Variants in PTPRT observed in about 807,000 individuals in gnomAD.
PTPRT encodes receptor-type tyrosine-protein phosphatase T.
A neutral mutation model predicts 176.8 loss-of-function variants in PTPRT; 56 were observed. The observed-to-expected ratio is 0.32, with a 90% CI of 0.26 to 0.40. PTPRT has a LOEUF of 0.40. PTPRT is among the 10% of genes least tolerant of loss of function. The pLI is 1.00. For synonymous variants in PTPRT, 783 were observed against 739.0 expected (o/e 1.06, Z -0.96); for missense variants, 1,540 against 1,908.2 (o/e 0.81, Z 3.60).
intron 11 of PTPRT, among the ~76,000 whole-genome samples, chr20:42,343,319 C>T (rs1366443036): frequency 6.6e-6 from 1 of 152,190 alleles, no homozygotes; most frequent in Non-Finnish European, 1.5e-5. Context: ...GAGAATGGCA[C>T]CACTTTCCAT....
the PTPRT span, among the ~76,000 whole-genome samples, chr20:42,041,568 G>A: frequency 1.3e-5 from 2 of 152,026 alleles, no homozygotes; most frequent in African/African-American, 4.8e-5. Flanking sequence ...GCACTTTTAC[G>A]TATATTAAAA....
chr20:42,107,779 G>A (rs1303146961), intron 23 of PTPRT, among the ~76,000 whole-genome samples: 1 of 152,180 alleles, frequency 6.6e-6, no homozygotes, highest in Non-Finnish European at 1.5e-5. Context: ...CAATGTAGAT[G>A]TCAAAAGACA....
chr20:42,098,217 G>A (rs1052433525), intron 27 of PTPRT, among the ~76,000 whole-genome samples: 1 of 150,818 alleles, frequency 6.6e-6, no homozygotes, highest in Admixed American at 6.7e-5. Context: ...ATAGGCAGGG[G>A]GAGTCTTTGC....
intron 13 of PTPRT, among the ~76,000 whole-genome samples, chr20:42,256,716 T>G (rs1452793214): frequency 6.6e-6 from 1 of 151,884 alleles, no homozygotes; most frequent in African/African-American, 2.4e-5. Flanking sequence ...AGAGCAAATT[T>G]ACTAGAAAAT....
At chr20:42,311,960 C>G (rs2057638875) in intron 12 of PTPRT, among the ~76,000 whole-genome samples, 1 of 152,140 alleles carries the variant, frequency 6.6e-6, no homozygotes, top group Non-Finnish European at 1.5e-5. Flanking sequence ...TACATTCATC[C>G]ATCTTCCAAC....
chr20:42,849,119 G>A (rs749343333), intron 2 of PTPRT, among the ~76,000 whole-genome samples: 29 of 152,160 alleles, frequency 1.9e-4, no homozygotes, highest in African/African-American at 4.3e-4. Flanking sequence ...AGATCAGGCT[G>A]TAAGTATTTG....
chr20:42,375,947 C>T lies in PTPRT; in HGVS notation c.1561-23662G>A, dbSNP rs531851797. On this transcript the variant is annotated intron_variant, in intron 9 of 30. Transcript: ENST00000373187. ...ATACAAGCAATCAGAATTAAACAAA[C>T]AAACAACCACCATAACCAATAAAGC... Among the ~76,000 whole-genome samples, 4 of 152,242 alleles carry T rather than the reference C, an allele frequency of 2.6e-5. No homozygotes were observed. The South Asian group carries it at 6.2e-4, about 24-fold the overall frequency.
At chr20:42,677,491 G>A (rs1170549449) in intron 7 of PTPRT, among the ~76,000 whole-genome samples, 5 of 152,126 alleles carry the variant, frequency 3.3e-5, no homozygotes, top group East Asian at 3.9e-4. Flanking sequence ...AAGAGCCCTC[G>A]GAGAAATTAT....
At chr20:42,608,014 T>C (rs1031353573) in intron 7 of PTPRT, among the ~76,000 whole-genome samples, 4 of 152,174 alleles carry the variant, frequency 2.6e-5, no homozygotes, top group Non-Finnish European at 4.4e-5. Context: ...CCCAATCATC[T>C]ATGCCCTGGT....
chr20:42,173,945 CATAA>C (rs1990178668), intron 16 of PTPRT, among the ~76,000 whole-genome samples: 1 of 152,046 alleles, frequency 6.6e-6, no homozygotes, highest in South Asian at 2.1e-4. Flanking sequence ...AAGAATAACC[CATAA>C]ATAGACATTG....
rs551946869 is a variant in PTPRT at position 42,290,405 on chromosome 20, G to A, written c.2140-7880C>T. ...TGAGAAATGCTTCTACTCAAGGCTC[G>A]GCCAGTGCAGCAATATTGGGTAACT... On this transcript the variant is annotated intron_variant, in intron 12 of 30. Coordinates refer to ENST00000373187, the MANE Select transcript of PTPRT (RefSeq NM_007050.6). 7.2e-5 allele frequency among the ~76,000 whole-genome samples: 11 copies of A among 152,022 alleles called. No homozygotes were observed. In the East Asian group the frequency reaches 7.8e-4, roughly 11 times the overall value.
At chr20:43,122,580 G>A (rs2013301946) in intron 1 of PTPRT, among the ~76,000 whole-genome samples, 1 of 152,166 alleles carries the variant, frequency 6.6e-6, no homozygotes, top group South Asian at 2.1e-4. Flanking sequence ...CCATCCACTT[G>A]TTAACGAGTG....
intron 18 of PTPRT, among the ~76,000 whole-genome samples, chr20:42,138,435 C>A (rs13036735): frequency 0.12 from 18,875 of 152,228 alleles, 1,842 homozygotes; most frequent in East Asian, 0.48. Context: ...GGAATCCTTC[C>A]TGGTCTGAGG....
At chr20:43,138,053 C>G (rs1397820515) in intron 1 of PTPRT, among the ~76,000 whole-genome samples, 5 of 152,158 alleles carry the variant, frequency 3.3e-5, no homozygotes, top group Non-Finnish European at 7.3e-5. Context: ...ATCAATAAAC[C>G]AAAGCTGACC....
intron 7 of PTPRT, among the ~76,000 whole-genome samples, chr20:42,653,831 T>C (rs1016921102): frequency 3.3e-5 from 5 of 152,328 alleles, no homozygotes; most frequent in East Asian, 1.9e-4. Flanking sequence ...TTAAGTGTAA[T>C]GAAATTTTTT....
chr20:42,985,970 A>G (rs1410900046), intron 1 of PTPRT, among the ~76,000 whole-genome samples: 1 of 152,198 alleles, frequency 6.6e-6, no homozygotes, highest in East Asian at 1.9e-4. Flanking sequence ...ATGACCGTGA[A>G]CCACAGGAGC....
chr20:42,430,127 T>G (rs1601010823), intron 9 of PTPRT, among the ~76,000 whole-genome samples: 1 of 152,210 alleles, frequency 6.6e-6, no homozygotes, highest in African/African-American at 2.4e-5. Context: ...TGTTGGTTTC[T>G]CTGATTCTAA....
chr20:42,119,472 G>T (rs1016287655), intron 20 of PTPRT, among the ~76,000 whole-genome samples: 5 of 152,136 alleles, frequency 3.3e-5, no homozygotes, highest in Admixed American at 1.3e-4. Context: ...GGTTTGAAAG[G>T]TACGATCATT....
intron 7 of PTPRT, among the ~76,000 whole-genome samples, chr20:42,502,688 A>G (rs1476277853): frequency 1.3e-5 from 2 of 152,044 alleles, no homozygotes; most frequent in Non-Finnish European, 2.9e-5. Context: ...TTACTCATCA[A>G]TTCTCCAGAC....
Sources: allele counts gnomAD v4.1 joint callset (sites outside exome capture counted in the v4.1 genomes callset), GRCh38; gene constraint gnomAD v4.1.1; transcripts MANE v1.5; gene names NCBI Gene and HGNC (gene_info 2026-07-23, HGNC 2026-07-21).